The following RALYL variants were observed in gnomAD, a reference collection of about 807,000 sequenced individuals.
RALYL encodes RALY RNA binding protein like, also known as RNA-binding Raly-like protein.
A neutral mutation model predicts 35.1 loss-of-function variants in RALYL; 29 were observed. That is an observed-to-expected ratio of 0.83 (90% CI 0.61 to 1.13). The LOEUF is 1.13. Ranked by LOEUF, RALYL falls within the 50% of genes most tolerant of loss-of-function variation. The probability of loss-of-function intolerance (pLI) is 0.00; values close to 1 mark genes in which losing one functional copy is unlikely to be tolerated. For synonymous variants in RALYL, 120 were observed against 127.6 expected (o/e 0.94, Z 0.40); for missense variants, 359 against 360.4 (o/e 1.00, Z 0.03).
chr8:84,578,571 A>G (rs1409303501), intron 2 of RALYL, among the ~76,000 whole-genome samples: 1 of 152,236 alleles, frequency 6.6e-6, no homozygotes, highest in Non-Finnish European at 1.5e-5. Flanking sequence ...AGCTCTCAGG[A>G]GACCTGAAGT....
intron 1 of RALYL, among the ~76,000 whole-genome samples, chr8:84,516,141 T>C (rs546987923): frequency 6.6e-6 from 1 of 151,984 alleles, no homozygotes; most frequent in East Asian, 1.9e-4. Context: ...CAGTCATACA[T>C]TTTAGATGGT....
chr8:84,335,901 G>A (rs73293101), intron 1 of RALYL, among the ~76,000 whole-genome samples: 1,847 of 151,850 alleles, frequency 0.012, 53 homozygotes, highest in African/African-American at 0.042. Context: ...TCTAGCAAGT[G>A]CAATTAAGTA....
chr8:84,759,362 C>T (rs930208085), intron 2 of RALYL, among the ~76,000 whole-genome samples: 1 of 152,052 alleles, frequency 6.6e-6, no homozygotes, highest in Non-Finnish European at 1.5e-5. Flanking sequence ...TAGAATCATC[C>T]TCCTGCCCAA....
In RALYL at chr8:84,804,802, G is replaced by GGTAA. The variant is rs1245334365; in HGVS notation, c.365+4_365+7dup. The GGTAA allele has an allele frequency of 4.4e-6, 5 of 1,136,162 alleles. No individual in the cohort carries two copies. In the Middle Eastern group the frequency reaches 8.4e-4, roughly 190 times the overall value. The allele number at this position is 1,136,162 out of a possible 1,614,324, so 70.4% of individuals were successfully genotyped here. A position where few individuals can be genotyped will look rare whatever the true frequency, so the allele number is the denominator to read the frequency against. ...TCAAAGGAACCTTTCCTGTCTGTTG[G>GGTAA]GTAAGTATATATTTAAATACTTTAA... On this transcript the variant is annotated stop_gained and frameshift_variant and splice_region_variant. Transcript: ENST00000521268. LOFTEE classifies it high-confidence loss of function.
intron 8 of RALYL, among the ~76,000 whole-genome samples, chr8:84,914,245 G>C (rs978301527): frequency 6.6e-6 from 1 of 151,900 alleles, no homozygotes; most frequent in African/African-American, 2.4e-5. Flanking sequence ...TCAGCACTTG[G>C]CTTTTCGCAC....
At position 84,554,747 on chromosome 8, in the gene RALYL, C is replaced by A. The variant is rs540885202; in HGVS notation, c.256+25170C>A. ...CATTTCAGCAGGTCCTCACATTCAA[C>A]AGTGCCTCGTCTCTTAGGACGAATA... On this transcript the variant is annotated intron_variant, in intron 2 of 8. Transcript: ENST00000521268. Among the ~76,000 whole-genome samples the A allele has an allele frequency of 4.6e-5, 7 of 152,310 alleles. No individual in the cohort carries two copies. The South Asian group carries it at 1.4e-3, about 32-fold the overall frequency.
rs78621756 is a variant in RALYL at position 84,263,220 on chromosome 8, G to C, written c.-24+78796G>C. On this transcript the variant is annotated intron_variant, in intron 1 of 8. Coordinates refer to ENST00000521268, the MANE Select transcript of RALYL (RefSeq NM_173848.7). ...GCCTCCTGTATTAAATGCTTTCTTT[G>C]ATACTAAAATGCCTGGGACTCATGT... Among the ~76,000 whole-genome samples, 185 of 152,154 alleles carry C rather than the reference G, an allele frequency of 1.2e-3. 1 individual carries two copies. The East Asian group carries it at 0.026, about 21-fold the overall frequency.
chr8:84,816,327 C>T (rs141905909), intron 4 of RALYL, among the ~76,000 whole-genome samples: 181 of 152,268 alleles, frequency 1.2e-3, no homozygotes, highest in African/African-American at 4.1e-3. Flanking sequence ...CCAAAGGAAA[C>T]TTTCCACATG....
At chr8:84,369,095 G>A (rs1223018097) in intron 1 of RALYL, among the ~76,000 whole-genome samples, 1 of 152,018 alleles carries the variant, frequency 6.6e-6, no homozygotes, top group Non-Finnish European at 1.5e-5. Flanking sequence ...CTAGTCTTTT[G>A]GGAAAGAGTT....
intron 2 of RALYL, among the ~76,000 whole-genome samples, chr8:84,582,868 T>A (rs1340958755): frequency 6.8e-6 from 1 of 146,232 alleles, no homozygotes; most frequent in African/African-American, 2.5e-5. Context: ...TAGATTTATG[T>A]CTCATCATAA....
At chr8:84,259,328 C>A (rs967005356) in intron 1 of RALYL, among the ~76,000 whole-genome samples, 17 of 152,174 alleles carry the variant, frequency 1.1e-4, no homozygotes, top group Admixed American at 6.6e-4. Flanking sequence ...CTTCTGTATT[C>A]CATGCCTTAC....
At chr8:84,303,773 A>T (rs1032678779) in intron 1 of RALYL, among the ~76,000 whole-genome samples, 1 of 152,144 alleles carries the variant, frequency 6.6e-6, no homozygotes, top group African/African-American at 2.4e-5. Flanking sequence ...GGTTAGGGAA[A>T]TATATCACAT....
intron 2 of RALYL, among the ~76,000 whole-genome samples, chr8:84,544,225 CAT>C (rs1181122505): frequency 6.6e-6 from 1 of 151,796 alleles, no homozygotes; most frequent in East Asian, 1.9e-4. Context: ...TTTTTACAAC[CAT>C]ATATGATACT....
At chr8:84,591,446 A>G (rs185429604) in intron 2 of RALYL, among the ~76,000 whole-genome samples, 8 of 152,304 alleles carry the variant, frequency 5.3e-5, no homozygotes, top group African/African-American at 1.9e-4. Flanking sequence ...GGGCCCAGAT[A>G]GTGCTTACAC....
intron 2 of RALYL, among the ~76,000 whole-genome samples, chr8:84,624,048 G>T (rs569735630): frequency 1.4e-4 from 22 of 152,116 alleles, no homozygotes; most frequent in Non-Finnish European, 2.4e-4. Flanking sequence ...TTCACTTTGG[G>T]TTATTGTTAG....
chr8:84,479,557 TA>T (rs774210952), intron 1 of RALYL, among the ~76,000 whole-genome samples: 29 of 152,188 alleles, frequency 1.9e-4, no homozygotes, highest in Non-Finnish European at 4.1e-4. Context: ...TTCCTAACTT[TA>T]AAATGATCAA....
chr8:84,331,177 G>A (rs2130699983), intron 1 of RALYL, among the ~76,000 whole-genome samples: 1 of 152,206 alleles, frequency 6.6e-6, no homozygotes. Context: ...TCTCCACAAA[G>A]ACTGAACTTA....
intron 1 of RALYL, among the ~76,000 whole-genome samples, chr8:84,500,037 A>G (rs1372077890): frequency 6.6e-6 from 1 of 152,130 alleles, no homozygotes; most frequent in Non-Finnish European, 1.5e-5. Context: ...CATTATAAGC[A>G]TGAGCCACTG....
intron 6 of RALYL, among the ~76,000 whole-genome samples, chr8:84,869,653 A>G (rs1839831424): frequency 6.6e-6 from 1 of 152,154 alleles, no homozygotes; most frequent in Admixed American, 6.6e-5. Context: ...CCTCCAAGTC[A>G]TAACAAGGAA....
Sources: gnomAD v4.1 joint callset for allele counts (sites outside exome capture counted in the v4.1 genomes callset) on GRCh38, gnomAD v4.1.1 for gene constraint, MANE v1.5 for transcripts, NCBI Gene and HGNC (gene_info 2026-07-23, HGNC 2026-07-21) for gene names.